BICD1: variants seen among roughly 807,000 people sequenced by gnomAD.
BICD1 encodes the protein protein bicaudal D homolog 1.
BICD1 carries 35 observed loss-of-function variants against 92.5 expected under a neutral mutation model. The observed-to-expected ratio is 0.38, with a 90% CI of 0.29 to 0.50. The LOEUF is 0.50. Ranked by LOEUF, BICD1 falls within the 20% of genes least tolerant of loss-of-function variation. The probability of loss-of-function intolerance (pLI) is 0.93; values close to 1 mark genes in which losing one functional copy is unlikely to be tolerated. For synonymous variants in BICD1, 429 were observed against 465.1 expected (o/e 0.92, Z 1.00); for missense variants, 950 against 1,189.8 (o/e 0.80, Z 2.97).
chr12:32,167,077 A>G (rs892125893), intron 1 of BICD1, among the ~76,000 whole-genome samples: 1 of 152,224 alleles, frequency 6.6e-6, no homozygotes, highest in African/African-American at 2.4e-5. Flanking sequence ...TTGCCTTTAT[A>G]ATAACATAAT....
chr12:32,363,981 G>A (rs1465614396), intron 8 of BICD1, among the ~76,000 whole-genome samples: 2 of 148,278 alleles, frequency 1.3e-5, no homozygotes, highest in South Asian at 2.1e-4. Context: ...CAATAAATAA[G>A]TACTAGATGC....
intron 2 of BICD1, chr12:32,227,762 G>A (rs1303401654): frequency 3.8e-5 from 6 of 156,072 alleles, no homozygotes; most frequent in Non-Finnish European, 8.8e-5. Context: ...CCTCCATTGG[G>A]GGCCTCGCCC....
At position 32,337,692 on chromosome 12, in the gene BICD1, A is replaced by C. The variant is rs1284461433; in HGVS notation, c.2446A>C (p.Ile816Leu). The change falls in exon 7 of 10, where the codon ATC (isoleucine) becomes CTC (leucine). Residue 816 changes from isoleucine to leucine, a missense_variant. This residue lies in a region of BICD1 where 309 missense variants were observed against 499.4 expected (regional missense o/e 0.62). Coordinates refer to ENST00000652176, the MANE Select transcript of BICD1 (RefSeq NM_001714.4). This position sits in a 1 kb window ranked among gnomAD's most constrained non-coding sequence, Gnocchi z 4.7. The stretch of plus-strand genomic sequence containing the variant: ...CAAAGGCAAACTTGGAAAGAGCAAG[A>C]TCGGCAGCCCTAAAGTAAGTGGGGA... The part of the protein sequence containing the change: ...RSKGKLGKSK[I>L]GSPKVSGEAS... 6.2e-7 allele frequency: 1 copy of C among 1,614,180 alleles called. No homozygotes were observed. Among genetic ancestry groups the C allele is most frequent in the Admixed American group, 1.7e-5 (1 of 60,024 alleles).
chr12:32,107,826 C>T lies in BICD1; in HGVS notation c.213+282C>T, dbSNP rs559307785. 129 of 685,652 alleles carry T rather than the reference C, an allele frequency of 1.9e-4. 1 individual carries two copies. In the African/African-American group the frequency reaches 2.1e-3, roughly 11 times the overall value. The allele number at this position is 685,652 out of a possible 1,614,324, so 42.5% of individuals were successfully genotyped here. On this transcript the variant is annotated intron_variant, in intron 1 of 9. Transcript: ENST00000652176. ...GTCATCAAGTCTCAGCACTCTAAGACGACATTCAAGTGGGTTGGAATGTAT... is the reference window on the plus strand; with the variant it reads ...GTCATCAAGTCTCAGCACTCTAAGATGACATTCAAGTGGGTTGGAATGTAT...
At chr12:32,311,235 C>T (rs550698995) in intron 4 of BICD1, among the ~76,000 whole-genome samples, 2 of 152,166 alleles carry the variant, frequency 1.3e-5, no homozygotes, top group African/African-American at 2.4e-5. Context: ...CGGTGGCTCA[C>T]GCCTGTAATC....
At chr12:32,364,677 G>A (rs528973818) in intron 8 of BICD1, among the ~76,000 whole-genome samples, 122 of 152,350 alleles carry the variant, frequency 8.0e-4, no homozygotes, top group Non-Finnish European at 1.4e-3. Context: ...TTGGCTAGGA[G>A]CAGTGGCTCA....
intron 2 of BICD1, among the ~76,000 whole-genome samples, chr12:32,236,879 T>C (rs1047437099): frequency 9.0e-5 from 13 of 145,112 alleles, no homozygotes; most frequent in Non-Finnish European, 1.7e-4. Flanking sequence ...ATTCTTTTTT[T>C]TTTTTTTTTT....
At chr12:32,215,962 A>G (rs1205242606) in intron 1 of BICD1, among the ~76,000 whole-genome samples, 2 of 151,144 alleles carry the variant, frequency 1.3e-5, no homozygotes, top group Non-Finnish European at 3.0e-5. Context: ...TCAAAAAAAA[A>G]AAAAAAAAAA....
intron 2 of BICD1, among the ~76,000 whole-genome samples, chr12:32,255,536 C>G (rs990395467): frequency 2.0e-5 from 3 of 152,204 alleles, no homozygotes; most frequent in African/African-American, 7.2e-5. Flanking sequence ...TACTCACTGG[C>G]TTAAAAATCT....
chr12:32,124,432 T>TG (rs1416548431), intron 1 of BICD1, among the ~76,000 whole-genome samples: 1 of 152,170 alleles, frequency 6.6e-6, no homozygotes. Context: ...ATGTGAACGT[T>TG]GGTTTCCTCC....
chr12:32,359,736 G>A (rs1194950892), intron 8 of BICD1, among the ~76,000 whole-genome samples: 1 of 152,144 alleles, frequency 6.6e-6, no homozygotes, highest in Non-Finnish European at 1.5e-5. Context: ...CATGTTCTAT[G>A]ATAGCAATTG....
chr12:32,160,746 C>A (rs142223992), intron 1 of BICD1, among the ~76,000 whole-genome samples: 1 of 152,192 alleles, frequency 6.6e-6, no homozygotes, highest in Non-Finnish European at 1.5e-5. Context: ...GGTAGATATT[C>A]CTGTTTGTGA....
At chr12:32,276,157 G>T (rs1341087882) in intron 2 of BICD1, among the ~76,000 whole-genome samples, 1 of 152,134 alleles carries the variant, frequency 6.6e-6, no homozygotes, top group Non-Finnish European at 1.5e-5. Flanking sequence ...TGCAGTCCAT[G>T]ACTAAGATCC....
chr12:32,366,805 C>T (rs150951201), intron 8 of BICD1, among the ~76,000 whole-genome samples: 35 of 152,224 alleles, frequency 2.3e-4, no homozygotes, highest in Admixed American at 4.6e-4. Flanking sequence ...AGAAATATGA[C>T]GTATATGCAT....
At chr12:32,207,111 CAG>C (rs775155634) in intron 1 of BICD1, among the ~76,000 whole-genome samples, 25 of 152,194 alleles carry the variant, frequency 1.6e-4, no homozygotes, top group Non-Finnish European at 2.8e-4. Flanking sequence ...GGAGGACAGA[CAG>C]AGGCCTTTGA....
chr12:32,122,670 A>G (rs1942198699), intron 1 of BICD1, among the ~76,000 whole-genome samples: 4 of 152,218 alleles, frequency 2.6e-5, no homozygotes, highest in African/African-American at 7.2e-5. Context: ...TTGAGACAAT[A>G]CAAGCAATTA....
At chr12:32,288,143 A>C (rs1023443861) in intron 2 of BICD1, among the ~76,000 whole-genome samples, 3 of 151,898 alleles carry the variant, frequency 2.0e-5, no homozygotes, top group African/African-American at 7.3e-5. Flanking sequence ...TTTGAGAGGG[A>C]ATTCCATGGG....
intron 2 of BICD1, among the ~76,000 whole-genome samples, chr12:32,251,717 T>G (rs908446077): frequency 2.1e-4 from 32 of 152,140 alleles, no homozygotes; most frequent in Middle Eastern, 6.8e-3. Flanking sequence ...GTTTTTATTT[T>G]CATAAATTGC....
At chr12:32,196,082 A>G (rs1404435045) in intron 1 of BICD1, among the ~76,000 whole-genome samples, 1 of 152,234 alleles carries the variant, frequency 6.6e-6, no homozygotes, top group Non-Finnish European at 1.5e-5. Context: ...GCAAGTCAAA[A>G]CCACCATGAG....
Sources: allele counts gnomAD v4.1 joint callset (sites outside exome capture counted in the v4.1 genomes callset), GRCh38; gene constraint gnomAD v4.1.1; regional missense constraint gnomAD v4.1.1; non-coding constraint Gnocchi (gnomAD v3.1); transcripts MANE v1.5; gene names NCBI Gene and HGNC (gene_info 2026-07-23, HGNC 2026-07-21).